Variants in ANK2 observed in about 807,000 individuals in gnomAD.
ANK2 encodes the protein ankyrin 2.
A neutral mutation model predicts 360.5 loss-of-function variants in ANK2; 83 were observed. That is an observed-to-expected ratio of 0.23 (90% CI 0.19 to 0.28). The LOEUF is 0.28. ANK2 is among the 10% of genes least tolerant of loss of function. The probability of loss-of-function intolerance (pLI) is 1.00; values close to 1 mark genes in which losing one functional copy is unlikely to be tolerated. For synonymous variants in ANK2, 1,740 were observed against 1,759.5 expected, an observed-to-expected ratio of 0.99 and a Z score of 0.28; for missense variants, 4,201 against 4,795.7, an observed-to-expected ratio of 0.88 and a Z score of 3.66.
At chr4:113,271,971 G>A (rs530663181) in intron 14 of ANK2, among the ~76,000 whole-genome samples, 8 of 152,148 alleles carry the variant, frequency 5.3e-5, no homozygotes, top group African/African-American at 9.7e-5. Flanking sequence ...CTTGCTTTAG[G>A]AGCTGGTTCT....
intron 9 of ANK2, among the ~76,000 whole-genome samples, 178 bp from the exon 10 acceptor site, chr4:113,249,586 C>T (rs943257103): frequency 6.6e-6 from 1 of 152,174 alleles, no homozygotes; most frequent in African/African-American, 2.4e-5. Context: ...TGAAGATGTA[C>T]TTCTGACTTG....
intron 1 of ANK2, among the ~76,000 whole-genome samples, chr4:113,087,961 T>C (rs569491247): frequency 1.3e-5 from 2 of 152,340 alleles, no homozygotes; most frequent in South Asian, 4.1e-4. Flanking sequence ...TTTCCCAATG[T>C]ATTATTTTAA....
At chr4:113,377,706 A>G (rs1304108828) in intron 45 of ANK2, among the ~76,000 whole-genome samples, 1 of 152,184 alleles carries the variant, frequency 6.6e-6, no homozygotes, top group African/African-American at 2.4e-5. Flanking sequence ...ACAACTGGCA[A>G]TCTTGAATGG....
intron 1 of ANK2, among the ~76,000 whole-genome samples, chr4:112,856,636 G>A (rs2066474549): frequency 6.6e-6 from 1 of 152,232 alleles, no homozygotes; most frequent in African/African-American, 2.4e-5. Flanking sequence ...GCTGAGGCAG[G>A]AGAATCGCTT....
chr4:113,335,198 A>G (rs1212551155), intron 29 of ANK2, among the ~76,000 whole-genome samples: 1 of 152,146 alleles, frequency 6.6e-6, no homozygotes, highest in Non-Finnish European at 1.5e-5. Flanking sequence ...CATCCTCTTG[A>G]TGTTAAATGT....
At chr4:112,735,313 A>C in the ANK2 span, among the ~76,000 whole-genome samples, 1 of 152,006 alleles carries the variant, frequency 6.6e-6, no homozygotes, top group South Asian at 2.1e-4. Flanking sequence ...GCTGGGTGGC[A>C]GAGAGATACT....
chr4:113,072,737 GC>G (rs2078067587), intron 1 of ANK2, among the ~76,000 whole-genome samples: 3 of 127,924 alleles, frequency 2.3e-5, no homozygotes, highest in African/African-American at 3.1e-5. Flanking sequence ...TAGACACTTG[GC>G]ATAATTTTTT....
At chr4:113,346,973 T>C (rs1173012065) in intron 35 of ANK2, among the ~76,000 whole-genome samples, 1 of 152,154 alleles carries the variant, frequency 6.6e-6, no homozygotes, top group East Asian at 1.9e-4. Flanking sequence ...CACATGGCAA[T>C]CTATAGGTGG....
At chr4:112,929,979 C>T (rs2093008433) in intron 2 of ANK2, among the ~76,000 whole-genome samples, 1 of 152,150 alleles carries the variant, frequency 6.6e-6, no homozygotes, top group African/African-American at 2.4e-5. Flanking sequence ...AAAGTACAGT[C>T]TCTTTGAGTG....
In ANK2 at chr4:113,353,674, G is replaced by A; in HGVS notation, c.5056G>A (p.Glu1686Lys). Residue 1686 changes from glutamate to lysine, a missense_variant, in exon 38 of 46, where the codon GAG becomes AAG. Coordinates refer to ENST00000357077, the MANE Select transcript of ANK2 (RefSeq NM_001148.6). ...GGAAGGGAAAGACATACCCCCAGATGAGACACAGAGTACACAGAAACAGCA... is the reference window on the plus strand; with the variant it reads ...GGAAGGGAAAGACATACCCCCAGATAAGACACAGAGTACACAGAAACAGCA... ...EKEGKDIPPD[E>K]TQSTQKQHKP... 6.2e-7 allele frequency: 1 copy of A among 1,614,018 alleles called. No homozygotes were observed. The highest frequency in any genetic ancestry group is 8.5e-7 in the Non-Finnish European group (1 of 1,179,984).
chr4:112,999,104 G>A (rs1207166854), intron 2 of ANK2, among the ~76,000 whole-genome samples: 1 of 152,046 alleles, frequency 6.6e-6, no homozygotes, highest in Non-Finnish European at 1.5e-5. Context: ...TGCACTTTGT[G>A]CCCTTTTAAA....
chr4:113,111,736 C>G (rs1458575949), intron 1 of ANK2, among the ~76,000 whole-genome samples: 10 of 152,038 alleles, frequency 6.6e-5, no homozygotes, highest in Admixed American at 6.6e-5. Context: ...AATAAAATAT[C>G]ATTTATGAGA....
chr4:112,977,760 T>A (rs1330866403), intron 2 of ANK2, among the ~76,000 whole-genome samples: 1 of 152,018 alleles, frequency 6.6e-6, no homozygotes, highest in East Asian at 1.9e-4. Context: ...GACCCCGGTA[T>A]GTGATGTTCC....
chr4:113,120,320 T>C (rs1048531342), intron 1 of ANK2, among the ~76,000 whole-genome samples: 10 of 152,158 alleles, frequency 6.6e-5, no homozygotes, highest in Admixed American at 1.3e-4. Flanking sequence ...TATTAGCAAG[T>C]AATTTCTTTG....
intron 1 of ANK2, among the ~76,000 whole-genome samples, chr4:112,833,992 C>A (rs886789919): frequency 6.6e-6 from 1 of 152,162 alleles, no homozygotes; most frequent in African/African-American, 2.4e-5. Context: ...TTTTAAAACA[C>A]AAATTGTAAC....
chr4:112,971,743 G>A (rs1299729028), intron 2 of ANK2, among the ~76,000 whole-genome samples: 1 of 152,096 alleles, frequency 6.6e-6, no homozygotes, highest in Non-Finnish European at 1.5e-5. Context: ...GGAGGGACAG[G>A]GACTTGGAAT....
intron 1 of ANK2, among the ~76,000 whole-genome samples, chr4:113,064,335 T>C (rs781274895): frequency 1.6e-4 from 24 of 152,236 alleles, no homozygotes; most frequent in Non-Finnish European, 2.8e-4. Flanking sequence ...TCTGTGTGAC[T>C]TACCGTGATG....
At chr4:112,773,870 G>T in the ANK2 span, among the ~76,000 whole-genome samples, 2 of 151,686 alleles carry the variant, frequency 1.3e-5, no homozygotes, top group Non-Finnish European at 2.9e-5. Context: ...GCAAGATCTC[G>T]GCTTACTGCA....
At chr4:113,250,174 A>T (rs1327125550) in intron 10 of ANK2, among the ~76,000 whole-genome samples, 1 of 152,206 alleles carries the variant, frequency 6.6e-6, no homozygotes, top group Non-Finnish European at 1.5e-5. Context: ...CTGAGTCTAG[A>T]TTTTTATGAT....
Sources: allele counts gnomAD v4.1 joint callset (sites outside exome capture counted in the v4.1 genomes callset), GRCh38; gene constraint gnomAD v4.1.1; transcripts MANE v1.5; gene names NCBI Gene and HGNC (gene_info 2026-07-23, HGNC 2026-07-21).